The following KNL1 variants were observed in gnomAD, a reference collection of about 807,000 sequenced individuals.
The protein encoded by KNL1 is outer kinetochore KNL1 complex subunit KNL1.
KNL1 carries 66 observed loss-of-function variants against 201.3 expected under a neutral mutation model. That is an observed-to-expected ratio of 0.33 (90% CI 0.27 to 0.40). The LOEUF (loss-of-function observed/expected upper bound fraction) is 0.40. Among genes scored for constraint, KNL1 ranks in the 10% least tolerant of loss-of-function variants. KNL1 has a pLI of 1.00. For synonymous variants in KNL1, 895 were observed against 899.2 expected, an observed-to-expected ratio of 1.00 and a Z score of 0.08; for missense variants, 2,815 against 2,690.5, an observed-to-expected ratio of 1.05 and a Z score of -1.02.
rs759186895 is a variant in KNL1, at chr15:40,622,049, G to A, written c.1785G>A (p.Pro595=). Residue 595 remains proline (P), a synonymous_variant, in exon 10 of 26, where the codon CCG becomes CCA. Coordinates refer to ENST00000399668, the MANE Select transcript of KNL1 (RefSeq NM_144508.5). ...QVPLAAYNLA[P]ESTSESHSQS... ...CTCTTGCAGCTTATAATCTAGCACCGGAGAGTACCAGTGAATCTCACTCTC... is the reference window on the plus strand; with the variant it reads ...CTCTTGCAGCTTATAATCTAGCACCAGAGAGTACCAGTGAATCTCACTCTC... 3.0e-5 allele frequency: 48 copies of A among 1,613,750 alleles called. No individual in the cohort carries two copies. Among genetic ancestry groups the A allele is most frequent in the African/African-American group, 5.3e-5 (4 of 74,928 alleles).
Position 40,637,293 on chromosome 15 carries a change from T to TGTGGTA in KNL1, c.5683-3619_5683-3618insGTGGTA, listed in dbSNP as rs1472225500. Reference sequence around the variant, plus strand: ...GAGTTTACCACAGTCCAGATGTTGCTAATTGTGCATGCCCAAATATTTCTC... The same window carrying TGTGGTA: ...GAGTTTACCACAGTCCAGATGTTGCTGTGGTAAATTGTGCATGCCCAAATATTTCTC... On this transcript the variant is annotated intron_variant, in intron 13 of 25. Transcript: ENST00000399668. Among the ~76,000 whole-genome samples, 3 of 151,194 alleles carry TGTGGTA rather than the reference T, an allele frequency of 2.0e-5. No individual in the cohort carries two copies. In the South Asian group the frequency reaches 6.3e-4, roughly 32 times the overall value.
In KNL1 at chr15:40,624,062, A is replaced by C. The variant is rs560175066; in HGVS notation, c.3798A>C (p.Thr1266=). ...GGAAAGTTGTAGACCAGGCCTGTAC[A>C]TTGGAAAAAGCGCAAGTTGAAAGCT... ...VIGKVVDQAC[T]LEKAQVESCQ... The change falls in exon 10 of 26, where the codon ACA becomes ACC. Residue 1266 remains threonine (T), a synonymous_variant. Coordinates refer to ENST00000399668, the MANE Select transcript of KNL1 (RefSeq NM_144508.5). 1 of 1,614,084 alleles carries C rather than the reference A, an allele frequency of 6.2e-7. No individual in the cohort carries two copies. The highest frequency in any genetic ancestry group is 2.2e-5 in the East Asian group (1 of 44,880).
chr15:40,660,516 A>G (rs1893877299), intron 25 of KNL1, among the ~76,000 whole-genome samples: 1 of 151,872 alleles, frequency 6.6e-6, no homozygotes, highest in Non-Finnish European at 1.5e-5. Context: ...AATACAAAAA[A>G]TTAGCCAGGC....
chr15:40,635,903 G>T (rs966305091), intron 13 of KNL1, among the ~76,000 whole-genome samples: 3 of 151,834 alleles, frequency 2.0e-5, no homozygotes, highest in Non-Finnish European at 4.4e-5. Flanking sequence ...GTCTCGCTCT[G>T]TCACCCAGGC....
intron 24 of KNL1, among the ~76,000 whole-genome samples, chr15:40,658,561 CAAAAAAAA>C (rs35180053): frequency 4.0e-5 from 3 of 74,170 alleles, no homozygotes; most frequent in African/African-American, 5.3e-5. Flanking sequence ...GAATCTGTCT[CAAAAAAAA>C]AAAAAAAAAA....
intron 17 of KNL1, among the ~76,000 whole-genome samples, chr15:40,648,299 G>T (rs1339686560): frequency 6.6e-6 from 1 of 152,122 alleles, no homozygotes; most frequent in Admixed American, 6.5e-5. Context: ...CAGCGTGATG[G>T]CACATACCTG....
Position 40,625,097 on chromosome 15 carries a change from C to A in KNL1, c.4833C>A (p.Ile1611=). 6.2e-7 allele frequency: 1 copy of A among 1,613,818 alleles called. No individual in the cohort carries two copies. Among genetic ancestry groups the A allele is most frequent in the Non-Finnish European group, 8.5e-7 (1 of 1,179,888 alleles). The change falls in exon 10 of 26, where the codon ATC becomes ATA. Residue 1611 remains isoleucine, a synonymous_variant. Coordinates refer to ENST00000399668, the MANE Select transcript of KNL1 (RefSeq NM_144508.5). ...CAGAAATACATAATATTAACATAAT[C>A]TCCAGCAATGCTAAAGATAGTAGAG... ...QATEIHNINI[I]SSNAKDSRDE... is the part of the protein sequence containing the mutation.
chr15:40,662,668 G>A lies in KNL1; in HGVS notation c.*480G>A, dbSNP rs1595954985. 3.2e-5 allele frequency: 6 copies of A among 188,126 alleles called. No individual in the cohort carries two copies. The East Asian group carries it at 5.1e-4, about 16-fold the overall frequency. The allele number at this position is 188,126 out of a possible 1,614,324, so 11.7% of individuals were successfully genotyped here. A position where few individuals can be genotyped will look rare whatever the true frequency, so the allele number is the denominator to read the frequency against. ...TTCTCCGTTACTAAAATGCTATTAAGAGAAAGTAGGGCTGGGTGCGGTGGC... is the reference window on the plus strand; with the variant it reads ...TTCTCCGTTACTAAAATGCTATTAAAAGAAAGTAGGGCTGGGTGCGGTGGC... On this transcript the variant is annotated 3_prime_UTR_variant, in exon 26 of 26. Transcript: ENST00000399668.
intron 13 of KNL1, among the ~76,000 whole-genome samples, chr15:40,637,885 C>T (rs541979154): frequency 3.3e-5 from 5 of 151,352 alleles, no homozygotes; most frequent in Admixed American, 3.3e-4. Flanking sequence ...AAAAAAAAAT[C>T]CAAAATACTT....
At chr15:40,643,616 G>C (rs773434853) in intron 14 of KNL1, among the ~76,000 whole-genome samples, 1 of 152,188 alleles carries the variant, frequency 6.6e-6, no homozygotes, top group Non-Finnish European at 1.5e-5. Flanking sequence ...CTGCACTCCA[G>C]CCTGGCAGCC....
chr15:40,620,669 G>C lies in KNL1; in HGVS notation c.405G>C (p.Arg135Ser). ...CAATTATAGAACATACCCGTGAAAG[G>C]AAACATGCAAATGACCAGACAGTCA... is the stretch of plus-strand genomic sequence containing the variant. ...EFSIIEHTRERKHANDQTVIF... is the reference protein window; with the variant it reads ...EFSIIEHTRESKHANDQTVIF... The change falls in exon 10 of 26, where the codon AGG (arginine) becomes AGC (serine). Residue 135 changes from arginine (R) to serine (S), a missense_variant. Around this residue, in one of 3 missense-constraint regions of KNL1, gnomAD observed 2,464 missense variants for 2,291.7 expected, o/e 1.08. Coordinates refer to ENST00000399668, the MANE Select transcript of KNL1 (RefSeq NM_144508.5). 6.3e-7 allele frequency: 1 copy of C among 1,590,258 alleles called. No homozygotes were observed. Among genetic ancestry groups the C allele is most frequent in the Admixed American group, 1.9e-5 (1 of 52,608 alleles).
At position 40,635,573 on chromosome 15, in the gene KNL1, C is replaced by T. The variant is rs530769564; in HGVS notation, c.5683-5339C>T. On this transcript the variant is annotated intron_variant, in intron 13 of 25. Coordinates refer to ENST00000399668, the MANE Select transcript of KNL1 (RefSeq NM_144508.5). Reference sequence around the variant, plus strand: ...TTCCCCGTGTTGGTCAGGCTGGTCTCAAACTCCTGACCTCAGATGATCCGC... The same window carrying T: ...TTCCCCGTGTTGGTCAGGCTGGTCTTAAACTCCTGACCTCAGATGATCCGC... Among the ~76,000 whole-genome samples, 7 of 152,184 alleles carry T rather than the reference C, an allele frequency of 4.6e-5. No individual in the cohort carries two copies. The East Asian group carries it at 9.7e-4, about 21-fold the overall frequency.
intron 4 of KNL1, 102 bp from the exon 5 acceptor site, chr15:40,608,745 C>G (rs944773888): frequency 3.7e-6 from 2 of 535,678 alleles, no homozygotes; most frequent in Admixed American, 7.6e-5. Context: ...AACTCCATCT[C>G]AAAAAAAAAA....
chr15:40,657,913 C>T (rs905554161), intron 24 of KNL1, among the ~76,000 whole-genome samples: 3 of 152,100 alleles, frequency 2.0e-5, no homozygotes, highest in Non-Finnish European at 4.4e-5. Flanking sequence ...GTCAACCCAA[C>T]AGTAAGTACT....
rs192981513 is a variant in KNL1, at chr15:40,607,287, A to G, written c.135+835A>G. Among the ~76,000 whole-genome samples, 46 of 152,358 alleles carry G rather than the reference A, an allele frequency of 3.0e-4. 1 individual carries two copies. Among genetic ancestry groups the G allele is most frequent in the Middle Eastern group, 6.8e-3 (2 of 294 alleles). On this transcript the variant is annotated intron_variant, in intron 4 of 25. Transcript: ENST00000399668. Reference sequence around the variant, plus strand: ...TCTCACACATGCGTGTGAAAACCCAATCACACTTATGAACTACGAAAAGAT... The same window carrying G: ...TCTCACACATGCGTGTGAAAACCCAGTCACACTTATGAACTACGAAAAGAT...
At chr15:40,637,369 T>G (rs1276555715) in intron 13 of KNL1, among the ~76,000 whole-genome samples, 1 of 58,306 alleles carries the variant, frequency 1.7e-5, no homozygotes, top group Admixed American at 1.5e-4. Context: ...ATTAACAGCG[T>G]TTTTTTTTTT....
chr15:40,657,752 G>A (rs1893776221), intron 24 of KNL1, among the ~76,000 whole-genome samples: 2 of 152,080 alleles, frequency 1.3e-5, no homozygotes, highest in South Asian at 4.1e-4. Flanking sequence ...CTTTTTATAA[G>A]GACACTAGTC....
chr15:40,620,211 G>A (rs1892470893), intron 9 of KNL1, among the ~76,000 whole-genome samples: 1 of 118,250 alleles, frequency 8.5e-6, no homozygotes, highest in Non-Finnish European at 1.8e-5. Context: ...GCCTAGCCTA[G>A]AATAATTTTT....
intron 13 of KNL1, 52 bp from the exon 14 acceptor site, chr15:40,640,860 A>G (rs1893206059): frequency 1.9e-6 from 2 of 1,057,472 alleles, no homozygotes; most frequent in Admixed American, 2.0e-5. Context: ...ATTCTTATAT[A>G]TGGTTTTGTC....
Sources: gnomAD v4.1 joint callset for allele counts (sites outside exome capture counted in the v4.1 genomes callset) on GRCh38, gnomAD v4.1.1 for gene constraint, gnomAD v4.1.1 regional missense constraint, MANE v1.5 for transcripts, NCBI Gene and HGNC (gene_info 2026-07-23, HGNC 2026-07-21) for gene names.